Variants in BCAS4 observed in about 807,000 individuals in gnomAD.
BCAS4 encodes breast carcinoma amplified sequence 4.
In BCAS4, 9 loss-of-function variants were observed where a neutral mutation model predicts 15.7. The observed-to-expected ratio is 0.57, with a 90% CI of 0.34 to 1.00. The LOEUF (loss-of-function observed/expected upper bound fraction) is 1.00, where lower values mean the gene tolerates loss of function less well. Among genes scored for constraint, BCAS4 ranks in the 50% least tolerant of loss-of-function variants. The pLI is 0.02. For missense variants in BCAS4, 225 were observed against 239.1 expected, an observed-to-expected ratio of 0.94 and a Z score of 0.39; for synonymous variants, 101 against 99.5, an observed-to-expected ratio of 1.02 and a Z score of -0.09.
chr20:50,839,151 T>C (rs2088446645), intron 3 of BCAS4, among the ~76,000 whole-genome samples: 1 of 152,250 alleles, frequency 6.6e-6, no homozygotes, highest in African/African-American at 2.4e-5. Flanking sequence ...AAATCTTTTC[T>C]ATTTTACTAA....
intron 1 of BCAS4, among the ~76,000 whole-genome samples, chr20:50,810,407 G>C (rs2088045553): frequency 6.6e-6 from 1 of 151,984 alleles, no homozygotes; most frequent in South Asian, 2.1e-4. Context: ...TTTGTGGGAT[G>C]AGAGGGAGTT....
intron 3 of BCAS4, among the ~76,000 whole-genome samples, chr20:50,835,794 C>T (rs2088401247): frequency 6.6e-6 from 1 of 152,152 alleles, no homozygotes; most frequent in African/African-American, 2.4e-5. Flanking sequence ...TGCACGTCTG[C>T]TTTCCTTAGA....
At chr20:50,834,226 C>G (rs117511444) in intron 3 of BCAS4, among the ~76,000 whole-genome samples, 7,765 of 151,504 alleles carry the variant, frequency 0.051, 223 homozygotes, top group African/African-American at 0.071. Context: ...TTGATTCATT[C>G]ATTCATTCAT....
At chr20:50,876,179 G>C (rs567316199) in intron 4 of BCAS4, 2 of 390,636 alleles carry the variant, frequency 5.1e-6, no homozygotes, top group African/African-American at 4.2e-5. Flanking sequence ...TCAAACTCTT[G>C]ACCTCAAGTG....
rs901093877 is a variant in BCAS4, at chr20:50,858,681, A to ACATGTT, written c.399+16784_399+16789dup. Among the ~76,000 whole-genome samples, 41 of 151,836 alleles carry ACATGTT rather than the reference A, an allele frequency of 2.7e-4. 1 individual carries two copies. In the South Asian group the frequency reaches 7.7e-3, roughly 29 times the overall value. ...TGGGGAATAATGACCAAAAATCAGA[A>ACATGTT]CATGTTCAGTACAGATACAACCATC... On this transcript the variant is annotated intron_variant, in intron 4 of 4. Coordinates refer to ENST00000371608, the MANE Select transcript of BCAS4 (RefSeq NM_198799.4).
chr20:50,848,373 G>C (rs1490360914), intron 4 of BCAS4, among the ~76,000 whole-genome samples: 1 of 152,210 alleles, frequency 6.6e-6, no homozygotes, highest in Non-Finnish European at 1.5e-5. Flanking sequence ...TGGGTGTGGA[G>C]TCAGAAGAAA....
At chr20:50,829,211 TC>T (rs1196422168) in intron 2 of BCAS4, among the ~76,000 whole-genome samples, 1 of 152,266 alleles carries the variant, frequency 6.6e-6, no homozygotes, top group South Asian at 2.1e-4. Flanking sequence ...TTGAAAGGCT[TC>T]CCCCAGGAGA....
chr20:50,825,287 G>A (rs966695327), intron 2 of BCAS4, among the ~76,000 whole-genome samples: 2 of 151,986 alleles, frequency 1.3e-5, no homozygotes, highest in Non-Finnish European at 2.9e-5. Context: ...TCACTGTGTT[G>A]CCCAGACTGG....
chr20:50,840,490 G>C, intron 3 of BCAS4: 1 of 1,119,088 alleles, frequency 8.9e-7, no homozygotes. Context: ...ATGTGAAAGG[G>C]GCAGCACAGT....
At chr20:50,843,900 T>A (rs1456412673) in intron 4 of BCAS4, among the ~76,000 whole-genome samples, 4 of 152,138 alleles carry the variant, frequency 2.6e-5, no homozygotes, top group African/African-American at 9.7e-5. Context: ...TACCAGCACT[T>A]TGGGAGGCCA....
At chr20:50,798,155 A>T (rs1185378633) in intron 1 of BCAS4, among the ~76,000 whole-genome samples, 1 of 151,644 alleles carries the variant, frequency 6.6e-6, no homozygotes, top group Non-Finnish European at 1.5e-5. Context: ...AATTAGCCAG[A>T]TGTGGTGGCA....
intron 4 of BCAS4, among the ~76,000 whole-genome samples, chr20:50,872,930 C>A (rs906675662): frequency 6.6e-6 from 1 of 152,202 alleles, no homozygotes; most frequent in Non-Finnish European, 1.5e-5. Flanking sequence ...CTCCTTGGAG[C>A]CCCTGGGGGC....
At chr20:50,840,832 TTTA>T in intron 3 of BCAS4, 2 of 978,218 alleles carry the variant, frequency 2.0e-6, no homozygotes, top group Admixed American at 3.6e-5. Flanking sequence ...GTTGTCCAAT[TTTA>T]TTTATTTTTT....
chr20:50,873,240 G>A (rs976782210), intron 4 of BCAS4, among the ~76,000 whole-genome samples: 1 of 152,144 alleles, frequency 6.6e-6, no homozygotes, highest in African/African-American at 2.4e-5. Context: ...CCATCTCCTT[G>A]AGGGAGGAGA....
chr20:50,805,902 G>A (rs898447223), intron 1 of BCAS4, among the ~76,000 whole-genome samples: 6 of 151,884 alleles, frequency 4.0e-5, no homozygotes, highest in Admixed American at 2.0e-4. Flanking sequence ...GCTTGAACCT[G>A]GGAGGCAGTG....
chr20:50,833,733 TCAA>T (rs1298008434), intron 3 of BCAS4, among the ~76,000 whole-genome samples: 2 of 152,190 alleles, frequency 1.3e-5, no homozygotes, highest in African/African-American at 4.8e-5. Context: ...CTTGTCGTAT[TCAA>T]CAAACGTTTG....
intron 4 of BCAS4, among the ~76,000 whole-genome samples, chr20:50,844,756 C>CG (rs2088523209): frequency 6.7e-6 from 1 of 149,820 alleles, no homozygotes. Flanking sequence ...CATCCCCCCC[C>CG]GGGGTGTGGC....
At chr20:50,853,640 G>A (rs1978571660) in intron 4 of BCAS4, among the ~76,000 whole-genome samples, 1 of 118,558 alleles carries the variant, frequency 8.4e-6, no homozygotes, top group African/African-American at 3.2e-5. Context: ...TGGACATTTG[G>A]GGCCAGGTCC....
rs1466011898 is a variant in BCAS4 at position 50,851,322 on chromosome 20, G to A, written c.399+9422G>A. Among the ~76,000 whole-genome samples the A allele has an allele frequency of 2.6e-5, 4 of 152,204 alleles. No homozygotes were observed. Among genetic ancestry groups the A allele is most frequent in the East Asian group, 1.9e-4 (1 of 5,168 alleles). Reference sequence around the variant, plus strand: ...ATGAGGACCACGACTGTGGAGGGCCGAGGGGTGCCGGGTCCCAGCCCCCAC... The same window carrying A: ...ATGAGGACCACGACTGTGGAGGGCCAAGGGGTGCCGGGTCCCAGCCCCCAC... On this transcript the variant is annotated intron_variant, in intron 4 of 4. Coordinates refer to ENST00000371608, the MANE Select transcript of BCAS4 (RefSeq NM_198799.4). The surrounding 1 kb of genome is among the most constrained non-coding windows in gnomAD (Gnocchi z 4.3).
Sources: gnomAD v4.1 joint callset for allele counts (sites outside exome capture counted in the v4.1 genomes callset) on GRCh38, gnomAD v4.1.1 for gene constraint, Gnocchi (gnomAD v3.1) non-coding constraint, MANE v1.5 for transcripts, NCBI Gene and HGNC (gene_info 2026-07-23, HGNC 2026-07-21) for gene names.